Variants in MACF1 observed in about 807,000 individuals in gnomAD.
MACF1 encodes the protein microtubule actin crosslinking factor 1, also known as microtubule-actin cross-linking factor 1.
In MACF1, 193 loss-of-function variants were observed where a neutral mutation model predicts 854.8. That is an observed-to-expected ratio of 0.23 (90% CI 0.20 to 0.25). The LOEUF (loss-of-function observed/expected upper bound fraction) is 0.25. Ranked by LOEUF, MACF1 falls within the 10% of genes least tolerant of loss-of-function variation. The pLI is 1.00. For synonymous variants in MACF1, 3,185 were observed against 3,226.7 expected, an observed-to-expected ratio of 0.99 and a Z score of 0.44; for missense variants, 7,722 against 8,929.1, an observed-to-expected ratio of 0.86 and a Z score of 5.45.
At chr1:39,441,837 A>C in intron 74 of MACF1, 115 bp from the exon 75 acceptor site, 1 of 745,308 alleles carries the variant, frequency 1.3e-6, no homozygotes, top group Non-Finnish European at 2.3e-6. Flanking sequence ...CTGAAATCAC[A>C]AACAGCACAA....
At position 39,461,816 on chromosome 1, in the gene MACF1, A is replaced by AT. The variant is rs1195848653; in HGVS notation, c.21524-67_21524-66insT. ...CAAAAAAAAAAAAAAAAAAAAAAAA[A>AT]AATCTATAACCGCCAACCGAACAAG... On this transcript the variant is annotated intron_variant, in intron 92 of 100. Coordinates refer to ENST00000564288, the MANE Select transcript of MACF1 (RefSeq NM_001394062.1). The AT allele has an allele frequency of 1.3e-5, 14 of 1,049,928 alleles. No individual in the cohort carries two copies. In the Admixed American group the frequency reaches 2.6e-4, roughly 19 times the overall value. 65.0% of individuals were successfully genotyped at this position (1,049,928 alleles called of 1,614,324 possible).
chr1:39,459,912 C>G (rs2124044152), intron 91 of MACF1: 1 of 1,105,342 alleles, frequency 9.0e-7, no homozygotes, highest in African/African-American at 1.6e-5. Flanking sequence ...GCTTTTTTCC[C>G]CCATTCCTTC....
At chr1:39,175,938 ATAC>A (rs1571136841) in intron 2 of MACF1, among the ~76,000 whole-genome samples, 2 of 51,898 alleles carry the variant, frequency 3.9e-5, no homozygotes, top group Non-Finnish European at 4.3e-5. Context: ...TCTACTAAAA[ATAC>A]AAAAAAAAAA....
chr1:39,150,590 T>C (rs1480453768), intron 2 of MACF1, among the ~76,000 whole-genome samples: 1 of 152,198 alleles, frequency 6.6e-6, no homozygotes, highest in East Asian at 1.9e-4. Context: ...CCGTGTTCTT[T>C]GTTTCCTCCA....
At chr1:39,316,093 G>A (rs1053189584) in intron 27 of MACF1, among the ~76,000 whole-genome samples, 2 of 152,212 alleles carry the variant, frequency 1.3e-5, no homozygotes, top group Non-Finnish European at 2.9e-5. Flanking sequence ...ACCTTGAAGA[G>A]TAGCGCATCT....
At chr1:39,292,554 G>A (rs1645813418) in intron 16 of MACF1, among the ~76,000 whole-genome samples, 1 of 152,212 alleles carries the variant, frequency 6.6e-6, no homozygotes, top group African/African-American at 2.4e-5. Context: ...AGTGAGGTCT[G>A]TTGTTTGTAA....
intron 2 of MACF1, among the ~76,000 whole-genome samples, chr1:39,199,017 G>T (rs952511295): frequency 6.6e-6 from 1 of 151,810 alleles, no homozygotes; most frequent in Non-Finnish European, 1.5e-5. Flanking sequence ...ATGGAGTCTC[G>T]CTCTGTCGCC....
intron 61 of MACF1, 138 bp from the exon 62 acceptor site, chr1:39,427,317 G>A (rs1238977746): frequency 4.7e-6 from 3 of 635,326 alleles, no homozygotes; most frequent in Non-Finnish European, 7.9e-6. Flanking sequence ...ACATCGAAAT[G>A]CTACATAACG....
Position 39,301,521 on chromosome 1 carries a change from G to T in MACF1, c.2634+1159G>T, listed in dbSNP as rs112503435. Among the ~76,000 whole-genome samples, 900 of 151,992 alleles carry T rather than the reference G, an allele frequency of 5.9e-3. 19 individuals carry two copies. The highest frequency in any genetic ancestry group is 0.021 in the African/African-American group (860 of 41,438). On this transcript the variant is annotated intron_variant, in intron 22 of 100. Coordinates refer to ENST00000564288, the MANE Select transcript of MACF1 (RefSeq NM_001394062.1). ...GCTCACTGCAACCTCTGCCCCCTGG[G>T]TTCAAGTGATTATCCTGCCTCAGCC...
rs1314398651 is a variant in MACF1 at position 39,460,080 on chromosome 1, G to A, written c.21361-552G>A. Among the ~76,000 whole-genome samples the A allele has an allele frequency of 3.3e-5, 5 of 152,202 alleles. No homozygotes were observed. On this transcript the variant is annotated intron_variant, in intron 91 of 100. Coordinates refer to ENST00000564288, the MANE Select transcript of MACF1 (RefSeq NM_001394062.1). The surrounding 1 kb of genome is among the most constrained non-coding windows in gnomAD (Gnocchi z 4.1). ...GGCCAAATATTTAACATGGAGGTCA[G>A]ATGGGCAATTTGCTCTCTGGTGCCA... is the stretch of plus-strand genomic sequence containing the variant.
rs1377124068 is a variant in MACF1, at chr1:39,451,176, C to G, written c.20383C>G (p.Leu6795Val). The change falls in exon 85 of 101, where the codon CTT (leucine) becomes GTT (valine). Residue 6795 changes from leucine (L) to valine (V), a missense_variant. Leu to Val is a conservative substitution (Grantham distance 32). Around this residue, in one of 15 missense-constraint regions of MACF1, gnomAD observed 729 missense variants for 900.5 expected, o/e 0.81. Transcript: ENST00000564288. ...LAEDQPVHGD[L>V]DLVMNLMDAH... ...TGAGGACCAGCCCGTGCACGGGGAC[C>G]TTGACCTCGTCATGAACCTCATGGA... 6.2e-7 allele frequency: 1 copy of G among 1,614,102 alleles called. No individual in the cohort carries two copies.
chr1:39,477,026 A>C (rs1423973663), intron 97 of MACF1, among the ~76,000 whole-genome samples: 1 of 144,688 alleles, frequency 6.9e-6, no homozygotes, highest in African/African-American at 2.5e-5. Flanking sequence ...ATATATACAC[A>C]CACATATATA....
At chr1:39,345,351 C>G (rs960692554) in intron 40 of MACF1, among the ~76,000 whole-genome samples, 11 of 152,084 alleles carry the variant, frequency 7.2e-5, no homozygotes, top group Non-Finnish European at 1.3e-4. Context: ...TGGCTCATGC[C>G]TGTAATCCCA....
At chr1:39,413,763 C>T (rs112569629) in intron 58 of MACF1, 14 of 1,499,574 alleles carry the variant, frequency 9.3e-6, no homozygotes, top group East Asian at 2.5e-5. Flanking sequence ...TGCCCACCCC[C>T]GAGGAATCTG....
chr1:39,484,811 A>G, intron 100 of MACF1, 81 bp downstream of exon 100: 1 of 1,534,428 alleles, frequency 6.5e-7, no homozygotes, highest in Non-Finnish European at 9.0e-7. Context: ...ACTGCTCCCA[A>G]GGAGCGGGTA....
chr1:39,464,272 A>C (rs1644615983), intron 94 of MACF1: 1 of 152,912 alleles, frequency 6.5e-6, no homozygotes, highest in South Asian at 2.1e-4. Context: ...AGGTCTCCTA[A>C]AATATATCAA....
chr1:39,135,818 A>C (rs187681793), intron 2 of MACF1, among the ~76,000 whole-genome samples: 1 of 152,110 alleles, frequency 6.6e-6, no homozygotes, highest in African/African-American at 2.4e-5. Flanking sequence ...CAGTTTGTCT[A>C]TCTTGCTTCT....
At chr1:39,101,400 A>G (rs1481119269) in intron 2 of MACF1, among the ~76,000 whole-genome samples, 1 of 148,806 alleles carries the variant, frequency 6.7e-6, no homozygotes, top group Non-Finnish European at 1.5e-5. Context: ...GTGTGTGTAT[A>G]TGTATATTTT....
chr1:39,481,903 A>G (rs958037006), intron 99 of MACF1, among the ~76,000 whole-genome samples: 10 of 152,180 alleles, frequency 6.6e-5, no homozygotes, highest in African/African-American at 2.4e-4. Context: ...TTTCACTTCA[A>G]GCTAAAACTC....
Sources: allele counts gnomAD v4.1 joint callset (sites outside exome capture counted in the v4.1 genomes callset), GRCh38; gene constraint gnomAD v4.1.1; regional missense constraint gnomAD v4.1.1; non-coding constraint Gnocchi (gnomAD v3.1); transcripts MANE v1.5; gene names NCBI Gene and HGNC (gene_info 2026-07-23, HGNC 2026-07-21).